Variants in WTIP observed in about 807,000 individuals in gnomAD.
WTIP encodes Wilms tumor protein 1-interacting protein.
Under a neutral mutation model 41.7 loss-of-function variants are expected in WTIP, and 23 were observed. The ratio of observed to expected loss-of-function variants is 0.55; its 90% CI spans 0.40 to 0.78. The LOEUF is 0.78. WTIP is among the 30% of genes least tolerant of loss of function. The pLI, the probability that WTIP is intolerant of heterozygous loss-of-function variation, is 0.00. For synonymous variants in WTIP, 314 were observed against 269.9 expected, an observed-to-expected ratio of 1.16 and a Z score of -1.60; for missense variants, 619 against 610.5, an observed-to-expected ratio of 1.01 and a Z score of -0.15.
intron 2 of WTIP, among the ~76,000 whole-genome samples, chr19:34,492,645 C>T (rs527601986): frequency 9.3e-4 from 137 of 147,714 alleles, no homozygotes; most frequent in African/African-American, 3.3e-3. Context: ...GCCAAGATCA[C>T]GCCACTGCAC....
In WTIP at chr19:34,493,414, G is replaced by A. The variant is rs1568400056; in HGVS notation, c.901-78G>A. The A allele has an allele frequency of 2.5e-6, 4 of 1,596,072 alleles. No individual in the cohort carries two copies. The highest frequency in any genetic ancestry group is 3.4e-6 in the Non-Finnish European group (4 of 1,171,942). On this transcript the variant is annotated intron_variant, in intron 4 of 7. Coordinates refer to ENST00000590071, the MANE Select transcript of WTIP (RefSeq NM_001080436.2). This position sits in a 1 kb window ranked among gnomAD's most constrained non-coding sequence, Gnocchi z 4.1. ...TCTCCCCTGCTCCAGACCTGCCAGG[G>A]GTTCAGGGCCAGAGCCTCTCCCAGG...
In WTIP at chr19:34,493,567, G is replaced by A. The variant is rs1318493669; in HGVS notation, c.976G>A (p.Val326Ile). The A allele has an allele frequency of 6.2e-7, 1 of 1,613,704 alleles. No individual in the cohort carries two copies. Among genetic ancestry groups the A allele is most frequent in the Non-Finnish European group, 8.5e-7 (1 of 1,179,880 alleles). ...CSVCNECLDG[V>I]PFTVDVENNI... ...CGTGTGCAATGAGTGCCTGGACGGG[G>A]TTCCCTTCACCGTGGACGTGGAGAA... is the stretch of plus-strand genomic sequence containing the variant. The change falls in exon 5 of 8, where the codon GTT becomes ATT. Residue 326 changes from valine (V) to isoleucine (I), a missense_variant. This residue lies in a region of WTIP where 164 missense variants were observed against 219.1 expected (regional missense o/e 0.75). Coordinates refer to ENST00000590071, the MANE Select transcript of WTIP (RefSeq NM_001080436.2). The surrounding 1 kb of genome is among the most constrained non-coding windows in gnomAD (Gnocchi z 4.1).
rs1465584190 is a variant in WTIP at position 34,482,347 on chromosome 19, C to T, written c.373C>T (p.Arg125Cys). Residue 125 changes from arginine to cysteine, a missense_variant, in exon 1 of 8, where the codon CGC becomes TGC. Transcript: ENST00000590071. ...GCGCCACGGCAGCCCGCGCTCCGGT[C>T]GCTCGGACCCGCGTCCCGGTCCCGG... ...DQRHGSPRSG[R>C]SDPRPGPGPP... is the part of the protein sequence containing the mutation. The T allele has an allele frequency of 3.6e-6, 5 of 1,384,612 alleles. No individual in the cohort carries two copies. Among genetic ancestry groups the T allele is most frequent in the South Asian group, 1.4e-5 (1 of 70,374 alleles). 85.8% of individuals were successfully genotyped at this position (1,384,612 alleles called of 1,614,324 possible).
In WTIP at chr19:34,501,495, TCAGG is replaced by T. The variant is rs1195852434; in HGVS notation, c.*1227_*1230del. The T allele has an allele frequency of 6.6e-6, 1 of 152,312 alleles. No homozygotes were observed. The highest frequency in any genetic ancestry group is 1.5e-5 in the Non-Finnish European group (1 of 68,120). The allele number at this position is 152,312 out of a possible 1,614,324, so 9.4% of individuals were successfully genotyped here. A position where few individuals can be genotyped will look rare whatever the true frequency, so the allele number is the denominator to read the frequency against. On this transcript the variant is annotated 3_prime_UTR_variant, in exon 8 of 8. Coordinates refer to ENST00000590071, the MANE Select transcript of WTIP (RefSeq NM_001080436.2). ...GTCCTGATGCGGAATCCCCAGGGGT[TCAGG>T]GGACATCTGGACTGAAGTCACTCGC...
At chr19:34,494,072 C>T (rs947201234) in intron 5 of WTIP, among the ~76,000 whole-genome samples, 5 of 152,144 alleles carry the variant, frequency 3.3e-5, no homozygotes, top group East Asian at 1.9e-4. Context: ...CAGGGCCTTC[C>T]GTGGGATTGG....
chr19:34,481,884 C>G lies in WTIP; in HGVS notation c.-91C>G. 2 of 826,140 alleles carry G rather than the reference C, an allele frequency of 2.4e-6. No homozygotes were observed. The highest frequency in any genetic ancestry group is 6.0e-4 in the Middle Eastern group (1 of 1,664). The allele number at this position is 826,140 out of a possible 1,614,324, so 51.2% of individuals were successfully genotyped here. A position where few individuals can be genotyped will look rare whatever the true frequency, so the allele number is the denominator to read the frequency against. ...GCGCCCAGGGGTCCCGGGGCGGGCTCCGGGCTTCGGGCGGACGATGCGGCG... is the reference window on the plus strand; with the variant it reads ...GCGCCCAGGGGTCCCGGGGCGGGCTGCGGGCTTCGGGCGGACGATGCGGCG... On this transcript the variant is annotated 5_prime_UTR_variant, in exon 1 of 8. Coordinates refer to ENST00000590071, the MANE Select transcript of WTIP (RefSeq NM_001080436.2).
chr19:34,500,000 G>T (rs186100090), intron 7 of WTIP, 129 bp from the exon 8 acceptor site: 6 of 1,350,426 alleles, frequency 4.4e-6, no homozygotes, highest in South Asian at 1.5e-5. Context: ...TGCGCCCGGC[G>T]GAAGAGTCTT....
intron 1 of WTIP, among the ~76,000 whole-genome samples, chr19:34,489,816 C>T (rs909735404): frequency 6.6e-6 from 1 of 152,144 alleles, no homozygotes; most frequent in African/African-American, 2.4e-5. Flanking sequence ...TGCCAGAAGT[C>T]CTAGCTACTT....
Position 34,504,490 on chromosome 19 carries a change from G to A in WTIP, c.*4221G>A, listed in dbSNP as rs188704679. On this transcript the variant is annotated 3_prime_UTR_variant, in exon 8 of 8. Transcript: ENST00000590071. ...CCTGGGGTGGGTGGGTCTTGGGCAT[G>A]GGGTGCCCTCTGCCCTCATTCTTTC... The A allele has an allele frequency of 6.6e-6, 1 of 152,210 alleles. No homozygotes were observed. Among genetic ancestry groups the A allele is most frequent in the African/African-American group, 2.4e-5 (1 of 41,400 alleles). The allele number at this position is 152,210 out of a possible 1,614,324, so 9.4% of individuals were successfully genotyped here.
At chr19:34,482,897 AGT>A (rs1161323631) in intron 1 of WTIP, among the ~76,000 whole-genome samples, 2 of 151,048 alleles carry the variant, frequency 1.3e-5, no homozygotes, top group African/African-American at 4.9e-5. Context: ...GTTCTGGCCG[AGT>A]GAGTTGATGT....
At chr19:34,499,996 C>G (rs1020630258) in intron 7 of WTIP, 133 bp from the exon 8 acceptor site, 2 of 1,324,130 alleles carry the variant, frequency 1.5e-6, no homozygotes, top group South Asian at 1.5e-5. Flanking sequence ...CCCCTGCGCC[C>G]GGCGGAAGAG....
rs1392548602 is a variant in WTIP at position 34,501,819 on chromosome 19, T to G, written c.*1550T>G. The G allele has an allele frequency of 6.6e-6, 1 of 152,462 alleles. No individual in the cohort carries two copies. The highest frequency in any genetic ancestry group is 1.5e-5 in the Non-Finnish European group (1 of 68,334). 9.4% of individuals were successfully genotyped at this position (152,462 alleles called of 1,614,324 possible). The stretch of plus-strand genomic sequence containing the variant: ...CTTACACAGCGTGGAGAGCGCTGCA[T>G]CTTAGAGTGGGGCCTTCAGCAGGAC... On this transcript the variant is annotated 3_prime_UTR_variant, in exon 8 of 8. Transcript: ENST00000590071.
At chr19:34,499,381 G>T (rs906146871) in intron 7 of WTIP, among the ~76,000 whole-genome samples, 1 of 151,748 alleles carries the variant, frequency 6.6e-6, no homozygotes, top group Non-Finnish European at 1.5e-5. Flanking sequence ...GGCAGGGTGC[G>T]CCAGTGGTCC....
At position 34,500,369 on chromosome 19, in the gene WTIP, G is replaced by GT; in HGVS notation, c.*103dup. ...GCGTCAGGGGAGCTCCCTCCAATCA[G>GT]TTTCCCACCGAGCTGCTGTCTGCAG... is the stretch of plus-strand genomic sequence containing the variant. On this transcript the variant is annotated 3_prime_UTR_variant, in exon 8 of 8. Transcript: ENST00000590071. 1 of 1,386,248 alleles carries GT rather than the reference G, an allele frequency of 7.2e-7. No individual in the cohort carries two copies. The highest frequency in any genetic ancestry group is 9.5e-7 in the Non-Finnish European group (1 of 1,057,162). The allele number at this position is 1,386,248 out of a possible 1,614,324, so 85.9% of individuals were successfully genotyped here.
Position 34,508,981 on chromosome 19 carries a change from A to G in WTIP, c.*8712A>G, listed in dbSNP as rs375200884. 79 of 152,384 alleles carry G rather than the reference A, an allele frequency of 5.2e-4. No homozygotes were observed. Among genetic ancestry groups the G allele is most frequent in the African/African-American group, 1.8e-3 (75 of 41,596 alleles). 9.4% of individuals were successfully genotyped at this position (152,384 alleles called of 1,614,324 possible). A position where few individuals can be genotyped will look rare whatever the true frequency, so the allele number is the denominator to read the frequency against. On this transcript the variant is annotated 3_prime_UTR_variant, in exon 8 of 8. Coordinates refer to ENST00000590071, the MANE Select transcript of WTIP (RefSeq NM_001080436.2). Reference sequence around the variant, plus strand: ...AGGAAATTTAAATGATTTATTTCTTATAAAACATCATCTGTTTTTCTACTG... The same window carrying G: ...AGGAAATTTAAATGATTTATTTCTTGTAAAACATCATCTGTTTTTCTACTG...
chr19:34,482,388 C>A lies in WTIP; in HGVS notation c.414C>A (p.Gly138=). The change falls in exon 1 of 8, where the codon GGC becomes GGA. Residue 138 remains glycine, a synonymous_variant. Transcript: ENST00000590071. ...PRPGPGPPSV[G]SARSSVSSLG... The stretch of plus-strand genomic sequence containing the variant: ...CCGGTCCCGGGCCGCCTTCGGTGGG[C>A]AGCGCCCGCTCCAGCGTTTCCAGCC... 2.2e-6 allele frequency: 3 copies of A among 1,366,232 alleles called. No individual in the cohort carries two copies. Among genetic ancestry groups the A allele is most frequent in the Non-Finnish European group, 2.8e-6 (3 of 1,057,290 alleles). 84.6% of individuals were successfully genotyped at this position (1,366,232 alleles called of 1,614,324 possible).
Position 34,493,907 on chromosome 19 carries a change from C to A in WTIP, c.1031+285C>A, listed in dbSNP as rs1399829510. ...CCTGGCTGCAGTACCCACCATCTTT[C>A]CCCCTCCTCCCCTCCATCCCCTGCC... On this transcript the variant is annotated intron_variant, in intron 5 of 7. Coordinates refer to ENST00000590071, the MANE Select transcript of WTIP (RefSeq NM_001080436.2). This position sits in a 1 kb window ranked among gnomAD's most constrained non-coding sequence, Gnocchi z 4.1. 6.6e-6 allele frequency among the ~76,000 whole-genome samples: 1 copy of A among 152,056 alleles called. No homozygotes were observed. The highest frequency in any genetic ancestry group is 2.4e-5 in the African/African-American group (1 of 41,394).
chr19:34,493,287 G>C lies in WTIP; in HGVS notation c.862G>C (p.Asp288His). 1 of 1,613,506 alleles carries C rather than the reference G, an allele frequency of 6.2e-7. No individual in the cohort carries two copies. Among genetic ancestry groups the C allele is most frequent in the Non-Finnish European group, 8.5e-7 (1 of 1,179,746 alleles). The change falls in exon 4 of 8, where the codon GAC (aspartate) becomes CAC (histidine). Residue 288 changes from aspartate (D) to histidine (H), a missense_variant. This residue lies in a region of WTIP where 164 missense variants were observed against 219.1 expected (regional missense o/e 0.75). Transcript: ENST00000590071. The surrounding 1 kb of genome is among the most constrained non-coding windows in gnomAD (Gnocchi z 4.1). ...FLYSGFQQTADKCSVCGHLIM... is the reference protein window; with the variant it reads ...FLYSGFQQTAHKCSVCGHLIM... ...GTACTCCGGGTTCCAGCAGACGGCC[G>C]ACAAATGCAGCGTGTGTGGACATCT...
chr19:34,493,500 G>T lies in WTIP; in HGVS notation c.909G>T (p.Gln303His), dbSNP rs374389374. The T allele has an allele frequency of 6.2e-7, 1 of 1,613,434 alleles. No individual in the cohort carries two copies. The highest frequency in any genetic ancestry group is 8.5e-7 in the Non-Finnish European group (1 of 1,179,874). The change falls in exon 5 of 8, where the codon CAG (glutamine) becomes CAT (histidine). Residue 303 changes from glutamine (Q) to histidine (H), a missense_variant. Gln to His is a conservative substitution (Grantham distance 24). Around this residue, in one of 3 missense-constraint regions of WTIP, gnomAD observed 164 missense variants for 219.1 expected, o/e 0.75. Coordinates refer to ENST00000590071, the MANE Select transcript of WTIP (RefSeq NM_001080436.2). The surrounding 1 kb of genome is among the most constrained non-coding windows in gnomAD (Gnocchi z 4.1). Reference sequence around the variant, plus strand: ...GTGTGCCCCGCCCACAGATCCTGCAGGCCCTGGGCAAGTCCTACCACCCAG... The same window carrying T: ...GTGTGCCCCGCCCACAGATCCTGCATGCCCTGGGCAAGTCCTACCACCCAG... ...CGHLIMEMIL[Q>H]ALGKSYHPGC...
Sources: gnomAD v4.1 joint callset for allele counts (sites outside exome capture counted in the v4.1 genomes callset) on GRCh38, gnomAD v4.1.1 for gene constraint, gnomAD v4.1.1 regional missense constraint, Gnocchi (gnomAD v3.1) non-coding constraint, MANE v1.5 for transcripts, NCBI Gene and HGNC (gene_info 2026-07-23, HGNC 2026-07-21) for gene names.